Variants in ENAH observed in about 807,000 individuals in gnomAD.
The protein encoded by ENAH is protein enabled homolog.
In ENAH, 23 loss-of-function variants were observed where a neutral mutation model predicts 78.7. That is an observed-to-expected ratio of 0.29 (90% CI 0.21 to 0.41). ENAH has a LOEUF of 0.41. ENAH is among the 10% of genes least tolerant of loss of function. The probability of loss-of-function intolerance (pLI) is 1.00; values close to 1 mark genes in which losing one functional copy is unlikely to be tolerated. For synonymous variants in ENAH, 226 were observed against 241.0 expected, an observed-to-expected ratio of 0.94 and a Z score of 0.58; for missense variants, 544 against 691.0, an observed-to-expected ratio of 0.79 and a Z score of 2.39.
intron 1 of ENAH, among the ~76,000 whole-genome samples, chr1:225,643,301 G>A (rs1661410288): frequency 6.6e-6 from 1 of 152,048 alleles, no homozygotes; most frequent in Non-Finnish European, 1.5e-5. Context: ...AGATAACAGT[G>A]GCCTGGACTT....
chr1:225,547,891 G>C (rs1422313719), intron 3 of ENAH, among the ~76,000 whole-genome samples: 2 of 152,172 alleles, frequency 1.3e-5, no homozygotes, highest in African/African-American at 4.8e-5. Flanking sequence ...GCTCCAGTGA[G>C]AAGGCGGCTC....
intron 1 of ENAH, among the ~76,000 whole-genome samples, chr1:225,569,117 A>T (rs1272264749): frequency 6.6e-6 from 1 of 152,240 alleles, no homozygotes; most frequent in Non-Finnish European, 1.5e-5. Context: ...GATGACATTT[A>T]CATAACCCTA....
At chr1:225,505,924 T>C (rs887200345) in intron 11 of ENAH, among the ~76,000 whole-genome samples, 46 of 152,212 alleles carry the variant, frequency 3.0e-4, no homozygotes, top group South Asian at 4.1e-4. Context: ...ATTCAACTCA[T>C]CTATATAAAA....
chr1:225,584,222 G>A (rs1317394259), intron 1 of ENAH, among the ~76,000 whole-genome samples: 2 of 152,158 alleles, frequency 1.3e-5, no homozygotes, highest in Admixed American at 6.5e-5. Context: ...AACTTGTAAC[G>A]TTATCTTAAG....
At chr1:225,573,744 T>C (rs779180184) in intron 1 of ENAH, among the ~76,000 whole-genome samples, 2 of 152,352 alleles carry the variant, frequency 1.3e-5, no homozygotes, top group South Asian at 4.1e-4. Context: ...AAAAAAATTA[T>C]GGATGCACCT....
rs1046400582 is a variant in ENAH at position 225,511,944 on chromosome 1, T to C, written c.1423-85A>G. On this transcript the variant is annotated intron_variant, in intron 9 of 13. Transcript: ENST00000366843. The stretch of plus-strand genomic sequence containing the variant: ...TAGTGTTTTACACGAACACTTCTAA[T>C]ATTCTTTCTGCCACTCCCCACTTTC... The C allele has an allele frequency of 1.9e-5, 16 of 824,934 alleles. No homozygotes were observed. The African/African-American group carries it at 2.3e-4, about 12-fold the overall frequency. The allele number at this position is 824,934 out of a possible 1,614,324, so 51.1% of individuals were successfully genotyped here.
At chr1:225,526,151 C>T (rs747737080) in intron 4 of ENAH, among the ~76,000 whole-genome samples, 5 of 152,060 alleles carry the variant, frequency 3.3e-5, no homozygotes, top group African/African-American at 4.8e-5. Context: ...AATTCAATTT[C>T]TTCACGTTTT....
At position 225,487,843 on chromosome 1, in the gene ENAH, G is replaced by A. The variant is rs926282905; in HGVS notation, c.*9932C>T. 2.0e-5 allele frequency: 3 copies of A among 152,104 alleles called. No individual in the cohort carries two copies. Among genetic ancestry groups the A allele is most frequent in the Admixed American group, 6.5e-5 (1 of 15,270 alleles). The allele number at this position is 152,104 out of a possible 1,614,324, so 9.4% of individuals were successfully genotyped here. A position where few individuals can be genotyped will look rare whatever the true frequency, so the allele number is the denominator to read the frequency against. On this transcript the variant is annotated 3_prime_UTR_variant, in exon 14 of 14. Transcript: ENST00000366843. ...CATATATTATGAAAGGTTATGGACT[G>A]TGACTATCCATCCTTTTGGACCATA...
At chr1:225,609,297 AAC>A (rs1292311961) in intron 1 of ENAH, among the ~76,000 whole-genome samples, 1 of 152,200 alleles carries the variant, frequency 6.6e-6, no homozygotes, top group African/African-American at 2.4e-5. Context: ...AAAACAAATA[AAC>A]ACAAAGATTC....
intron 10 of ENAH, among the ~76,000 whole-genome samples, chr1:225,509,562 G>A (rs911867584): frequency 2.0e-5 from 3 of 152,122 alleles, no homozygotes; most frequent in East Asian, 1.9e-4. Flanking sequence ...ACTGGCATGC[G>A]TATAGAGCTT....
rs1195719193 is a variant in ENAH at position 225,491,491 on chromosome 1, AAAG to A, written c.*6281_*6283del. ...CCTTTAATCTTTAAAAAAAAAAATA[AAAG>A]AAAAAGAAAAAAAGAAAAGAGGTTT... On this transcript the variant is annotated 3_prime_UTR_variant, in exon 14 of 14. Transcript: ENST00000366843. 1.3e-5 allele frequency: 2 copies of A among 151,180 alleles called. No individual in the cohort carries two copies. The highest frequency in any genetic ancestry group is 2.9e-5 in the Non-Finnish European group (2 of 67,916). The allele number at this position is 151,180 out of a possible 1,614,324, so 9.4% of individuals were successfully genotyped here. A position where few individuals can be genotyped will look rare whatever the true frequency, so the allele number is the denominator to read the frequency against.
chr1:225,568,630 A>C (rs1157400009), intron 1 of ENAH, among the ~76,000 whole-genome samples: 1 of 152,196 alleles, frequency 6.6e-6, no homozygotes, highest in Non-Finnish European at 1.5e-5. Context: ...TTTAAACAAT[A>C]AATCATGTCG....
intron 8 of ENAH, 44 bp from the exon 9 acceptor site, chr1:225,512,758 C>G (rs1455251453): frequency 6.2e-7 from 1 of 1,610,264 alleles, no homozygotes; most frequent in South Asian, 1.1e-5. Context: ...TTATCTGATT[C>G]AGTATAAAAA....
At chr1:225,628,610 T>G (rs1368400104) in intron 1 of ENAH, among the ~76,000 whole-genome samples, 2 of 152,156 alleles carry the variant, frequency 1.3e-5, no homozygotes, top group African/African-American at 4.8e-5. Context: ...GAACATTTTT[T>G]TAAAAGATGG....
At chr1:225,513,875 C>T (rs1192314419) in intron 7 of ENAH, among the ~76,000 whole-genome samples, 1 of 151,862 alleles carries the variant, frequency 6.6e-6, no homozygotes, top group African/African-American at 2.4e-5. Context: ...GCCTGTAATC[C>T]CAGCTACTCA....
intron 1 of ENAH, among the ~76,000 whole-genome samples, chr1:225,616,926 C>T (rs1305123282): frequency 6.6e-6 from 1 of 152,074 alleles, no homozygotes; most frequent in Non-Finnish European, 1.5e-5. Flanking sequence ...TGGAGAAATC[C>T]TGTCTCTACT....
intron 4 of ENAH, among the ~76,000 whole-genome samples, chr1:225,529,490 G>T (rs780293567): frequency 1.2e-4 from 19 of 152,010 alleles, no homozygotes; most frequent in Non-Finnish European, 1.9e-4. Context: ...ACTTCCCTCT[G>T]CCCCTTCACA....
intron 1 of ENAH, among the ~76,000 whole-genome samples, chr1:225,599,086 C>G (rs1196152920): frequency 6.6e-6 from 1 of 152,142 alleles, no homozygotes; most frequent in African/African-American, 2.4e-5. Flanking sequence ...CTAGGTAATA[C>G]AATAAACAGT....
chr1:225,512,468 A>G (rs60703299), intron 9 of ENAH, among the ~76,000 whole-genome samples, 189 bp downstream of exon 9: 2,070 of 152,364 alleles, frequency 0.014, 45 homozygotes, highest in African/African-American at 0.047. Flanking sequence ...AACTCACTTT[A>G]CTAAGACTGC....
Sources: allele counts gnomAD v4.1 joint callset (sites outside exome capture counted in the v4.1 genomes callset), GRCh38; gene constraint gnomAD v4.1.1; transcripts MANE v1.5; gene names NCBI Gene and HGNC (gene_info 2026-07-23, HGNC 2026-07-21).